Variants in REN observed in about 807,000 individuals in gnomAD.
The protein encoded by REN is renin, also known as angiotensin-forming enzyme.
A neutral mutation model predicts 48.6 loss-of-function variants in REN; 42 were observed. That is an observed-to-expected ratio of 0.86 (90% confidence interval 0.68 to 1.12). REN has a LOEUF of 1.12. Among genes scored for constraint, REN ranks in the 50% most tolerant of loss-of-function variants. REN has a pLI of 0.00. For missense variants in REN, 443 were observed against 527.3 expected, an observed-to-expected ratio of 0.84 and a Z score of 1.57; for synonymous variants, 196 against 204.6, an observed-to-expected ratio of 0.96 and a Z score of 0.36.
intron 5 of REN, among the ~76,000 whole-genome samples, chr1:204,158,201 T>C (rs1658184177): frequency 6.7e-6 from 1 of 148,314 alleles, no homozygotes; most frequent in Non-Finnish European, 1.5e-5. Context: ...ACCTCTTAAC[T>C]TCTTGCCATC....
intron 2 of REN, 110 bp from the exon 3 acceptor site, chr1:204,161,525 C>A: frequency 9.2e-7 from 1 of 1,083,174 alleles, no homozygotes; most frequent in Non-Finnish European, 1.2e-6. Flanking sequence ...AGGCGAGGTC[C>A]TATAGCCTCT....
rs535566205 is a variant in REN, at chr1:204,163,931, C to A, written c.99-1768G>T. On this transcript the variant is annotated intron_variant, in intron 1 of 9. Transcript: ENST00000272190. ...GAGTCACTGTGCAGATGAAACCATG[C>A]GACCACTGCTCAATAAATGTAAATT... is the stretch of plus-strand genomic sequence containing the variant. Among the ~76,000 whole-genome samples the A allele has an allele frequency of 3.9e-5, 6 of 152,290 alleles. No individual in the cohort carries two copies. The East Asian group carries it at 7.7e-4, about 20-fold the overall frequency.
rs1658210788 is a variant in REN at position 204,159,738 on chromosome 1, C to A, written c.493-143G>T. The A allele has an allele frequency of 4.2e-6, 3 of 712,576 alleles. No homozygotes were observed. In the East Asian group the frequency reaches 8.0e-5, roughly 19 times the overall value. The allele number at this position is 712,576 out of a possible 1,614,324, so 44.1% of individuals were successfully genotyped here. A position where few individuals can be genotyped will look rare whatever the true frequency, so the allele number is the denominator to read the frequency against. On this transcript the variant is annotated intron_variant, in intron 4 of 9. Transcript: ENST00000272190. ...GGGTAAGAGTATTTCCTCAACCCTG[C>A]ACGCACACACTCTGTGCCAATACAC...
intron 2 of REN, 78 bp from the exon 3 acceptor site, chr1:204,161,493 C>T: frequency 7.5e-7 from 1 of 1,337,762 alleles, no homozygotes; most frequent in African/African-American, 1.5e-5. Flanking sequence ...TCACTCTTGG[C>T]TCTCGGTGTG....
At chr1:204,161,989 C>T (rs762964202) in intron 2 of REN, 24 bp downstream of exon 2, 20 of 1,612,948 alleles carry the variant, frequency 1.2e-5, no homozygotes, top group East Asian at 1.1e-4. Flanking sequence ...AGGGAGGGAG[C>T]GAGGGGCTGA....
rs1179316275 is a variant in REN at position 204,156,156 on chromosome 1, C to A, written c.960+22G>T. 4 of 1,614,174 alleles carry A rather than the reference C, an allele frequency of 2.5e-6. No individual in the cohort carries two copies. The South Asian group carries it at 4.4e-5, about 18-fold the overall frequency. The stretch of plus-strand genomic sequence containing the variant: ...GGTGGCGCTCCCCCCACCCACAGCA[C>A]CTTCCCTCTTTGGCTTCTTACATCA... On this transcript the variant is annotated intron_variant, in intron 8 of 9. Coordinates refer to ENST00000272190, the MANE Select transcript of REN (RefSeq NM_000537.4). This position sits in a 1 kb window ranked among gnomAD's most constrained non-coding sequence, Gnocchi z 4.2.
intron 9 of REN, 125 bp from the exon 10 acceptor site, chr1:204,155,302 A>G (rs1571643902): frequency 1.8e-6 from 2 of 1,098,694 alleles, no homozygotes; most frequent in East Asian, 5.0e-5. Flanking sequence ...CCCTAGCCAC[A>G]CTGGGCCTCC....
chr1:204,161,891 C>T (rs1407144968), intron 2 of REN, 122 bp downstream of exon 2: 12 of 1,247,448 alleles, frequency 9.6e-6, no homozygotes, highest in African/African-American at 4.5e-5. Context: ...AGGGTGCTCA[C>T]GTGCTACTCA....
In REN at chr1:204,156,653, C is replaced by G. The variant is rs3730104; in HGVS notation, c.818+24G>C. On this transcript the variant is annotated intron_variant, in intron 7 of 9. Coordinates refer to ENST00000272190, the MANE Select transcript of REN (RefSeq NM_000537.4). The surrounding 1 kb of genome is among the most constrained non-coding windows in gnomAD (Gnocchi z 4.2). Reference sequence around the variant, plus strand: ...AGTGACGGCAGCATTTTTTGGAGCCCGGGGAGGGTTGAGGATTTCTGACCC... The same window carrying G: ...AGTGACGGCAGCATTTTTTGGAGCCGGGGGAGGGTTGAGGATTTCTGACCC... The G allele has an allele frequency of 5.6e-6, 9 of 1,613,912 alleles. No homozygotes were observed. Among genetic ancestry groups the G allele is most frequent in the Admixed American group, 1.7e-5 (1 of 60,016 alleles).
intron 9 of REN, 77 bp from the exon 10 acceptor site, chr1:204,155,254 T>C: frequency 2.0e-6 from 3 of 1,536,300 alleles, no homozygotes; most frequent in South Asian, 2.2e-5. Context: ...CCCCAGCAAC[T>C]GTCTTCAGCA....
At position 204,159,401 on chromosome 1, in the gene REN, G is replaced by A. The variant is rs755890508; in HGVS notation, c.687C>T (p.Asn229=). 4.3e-6 allele frequency: 7 copies of A among 1,613,660 alleles called. No individual in the cohort carries two copies. Among genetic ancestry groups the A allele is most frequent in the Admixed American group, 1.7e-5 (1 of 59,980 alleles). The change falls in exon 5 of 10, where the codon AAC becomes AAT. Residue 229 remains asparagine, a splice_region_variant and synonymous_variant. Transcript: ENST00000272190. ...LKEDVFSFYY[N]RDSENSQSLG... ...GCCCTTGGAGTCCCAGTCCCCACCT[G>A]TTGTAGTAGAAAGAGAAGACGTCCT...
chr1:204,160,079 G>A (rs1407423841), intron 4 of REN, among the ~76,000 whole-genome samples: 1 of 152,224 alleles, frequency 6.6e-6, no homozygotes, highest in African/African-American at 2.4e-5. Context: ...TGATGGAGCA[G>A]GGCCTGAGAA....
At chr1:204,166,158 A>AC in intron 1 of REN, 38 bp downstream of exon 1, 1 of 1,561,326 alleles carries the variant, frequency 6.4e-7, no homozygotes, top group Non-Finnish European at 8.8e-7. Flanking sequence ...GGAACCCTGC[A>AC]CCCCTCCCAC....
intron 2 of REN, 152 bp downstream of exon 2, chr1:204,161,861 C>A: frequency 2.0e-6 from 2 of 984,184 alleles, no homozygotes; most frequent in Non-Finnish European, 3.0e-6. Context: ...GGCTTTCCAG[C>A]TGGAAAATGG....
At chr1:204,164,075 A>G (rs887482568) in intron 1 of REN, among the ~76,000 whole-genome samples, 1 of 152,174 alleles carries the variant, frequency 6.6e-6, no homozygotes, top group Admixed American at 6.5e-5. Context: ...ATACTGTTTC[A>G]AAAGCTGGAT....
intron 9 of REN, among the ~76,000 whole-genome samples, chr1:204,155,442 C>A (rs1377524645): frequency 2.0e-5 from 3 of 152,342 alleles, no homozygotes; most frequent in South Asian, 4.1e-4. Flanking sequence ...GCCTTAGCTT[C>A]TGATCCTAGA....
Position 204,156,046 on chromosome 1 carries a change from C to A in REN, c.961-128G>T. On this transcript the variant is annotated intron_variant, in intron 8 of 9. Transcript: ENST00000272190. This position sits in a 1 kb window ranked among gnomAD's most constrained non-coding sequence, Gnocchi z 4.2. The stretch of plus-strand genomic sequence containing the variant: ...GACAGTGCCCCGCCCCATGGGTGAC[C>A]AGCCACATGTGTGGAGAGTGTGAGG... 6.8e-7 allele frequency: 1 copy of A among 1,479,854 alleles called. No homozygotes were observed. 91.7% of individuals were successfully genotyped at this position (1,479,854 alleles called of 1,614,324 possible).
At chr1:204,164,565 CTTTTTTTTTTT>C (rs748060874) in intron 1 of REN, among the ~76,000 whole-genome samples, 1 of 93,714 alleles carries the variant, frequency 1.1e-5, no homozygotes, top group East Asian at 3.8e-4. Flanking sequence ...CTTCTTCAGT[CTTTTTTTTTTT>C]TTTTTTTTTT....
chr1:204,162,146 A>G lies in REN; in HGVS notation c.116T>C (p.Met39Thr). Residue 39 changes from methionine (M) to threonine (T), a missense_variant, in exon 2 of 10, where the codon ATG (methionine) becomes ACG (threonine). Transcript: ENST00000272190. ...TTFKRIFLKR[M>T]PSIRESLKER... ...CTTCAGGCTTTCTCGGATTGAGGGC[A>G]TTCTCTTGAGGAAGATCCTGGCCCA... 3.1e-6 allele frequency: 5 copies of G among 1,614,142 alleles called. No individual in the cohort carries two copies. The highest frequency in any genetic ancestry group is 4.2e-6 in the Non-Finnish European group (5 of 1,180,022).
Sources: gnomAD v4.1 joint callset for allele counts (sites outside exome capture counted in the v4.1 genomes callset) on GRCh38, gnomAD v4.1.1 for gene constraint, Gnocchi (gnomAD v3.1) non-coding constraint, MANE v1.5 for transcripts, NCBI Gene and HGNC (gene_info 2026-07-23, HGNC 2026-07-21) for gene names.